Variants in DMXL1 observed in about 807,000 individuals in gnomAD.
DMXL1 encodes dmX-like protein 1.
Under a neutral mutation model 319.2 loss-of-function variants are expected in DMXL1, and 99 were observed. The ratio of observed to expected loss-of-function variants is 0.31; its 90% CI spans 0.26 to 0.37. DMXL1 has a LOEUF of 0.37. Ranked by LOEUF, DMXL1 falls within the 10% of genes least tolerant of loss-of-function variation. The probability of loss-of-function intolerance (pLI) is 1.00; values close to 1 mark genes in which losing one functional copy is unlikely to be tolerated. For synonymous variants in DMXL1, 1,385 were observed against 1,235.2 expected (o/e 1.12, Z -2.54); for missense variants, 3,745 against 3,595.6 (o/e 1.04, Z -1.06).
chr5:119,160,756 T>A (rs1772099502), intron 19 of DMXL1, among the ~76,000 whole-genome samples: 1 of 152,204 alleles, frequency 6.6e-6, no homozygotes, highest in African/African-American at 2.4e-5. Context: ...GACCCCTTTA[T>A]CATTATGTAA....
At chr5:119,102,189 A>G in intron 3 of DMXL1, 183 bp downstream of exon 3, 1 of 416,300 alleles carries the variant, frequency 2.4e-6, no homozygotes, top group Non-Finnish European at 4.3e-6. Context: ...AACTAAAATA[A>G]ATTGTGCCAA....
intron 34 of DMXL1, among the ~76,000 whole-genome samples, chr5:119,213,495 T>A (rs1190185691): frequency 1.3e-5 from 2 of 152,242 alleles, no homozygotes; most frequent in Non-Finnish European, 2.9e-5. Context: ...CTCATTAGCA[T>A]GAGCAAATAT....
intron 6 of DMXL1, 90 bp from the exon 7 acceptor site, chr5:119,116,068 C>A: frequency 8.2e-7 from 1 of 1,216,014 alleles, no homozygotes; most frequent in Non-Finnish European, 1.1e-6. Context: ...CAAGTTCTTG[C>A]CATTGGGGAG....
chr5:119,135,344 G>T (rs955422894), intron 13 of DMXL1, among the ~76,000 whole-genome samples: 1 of 152,164 alleles, frequency 6.6e-6, no homozygotes, highest in African/African-American at 2.4e-5. Flanking sequence ...CAGTGTTGCA[G>T]AAGAATTAGG....
At position 119,171,801 on chromosome 5, in the gene DMXL1, T is replaced by G. The variant is rs1045520749; in HGVS notation, c.6513T>G (p.Ser2171=). ...SQQETSEPLF[S]SPLSEQTSVP... is the part of the protein sequence containing the mutation. ...AGGAAACATCAGAACCACTATTTTCTAGCCCTCTGTCAGAGCAAACCTCAG... is the reference window on the plus strand; with the variant it reads ...AGGAAACATCAGAACCACTATTTTCGAGCCCTCTGTCAGAGCAAACCTCAG... Residue 2171 remains serine, a synonymous_variant, in exon 25 of 44, where the codon TCT becomes TCG. Transcript: ENST00000539542. 1 of 1,612,632 alleles carries G rather than the reference T, an allele frequency of 6.2e-7. No homozygotes were observed. The highest frequency in any genetic ancestry group is 8.5e-7 in the Non-Finnish European group (1 of 1,179,358).
chr5:119,114,071 A>G (rs1465194878), intron 5 of DMXL1, among the ~76,000 whole-genome samples: 2 of 152,190 alleles, frequency 1.3e-5, no homozygotes, highest in Non-Finnish European at 2.9e-5. Flanking sequence ...GTTAACCCAC[A>G]CATAATCTTT....
At chr5:119,112,485 A>G (rs1759860756) in intron 5 of DMXL1, among the ~76,000 whole-genome samples, 1 of 152,232 alleles carries the variant, frequency 6.6e-6, no homozygotes, top group African/African-American at 2.4e-5. Flanking sequence ...GAAACTGACT[A>G]GGTTTATATG....
intron 19 of DMXL1, among the ~76,000 whole-genome samples, chr5:119,158,860 T>C (rs752952706): frequency 6.6e-6 from 1 of 152,224 alleles, no homozygotes; most frequent in Non-Finnish European, 1.5e-5. Context: ...GGTGATCCTT[T>C]TATTGTGCTG....
At chr5:119,143,797 A>G (rs368659539) in intron 13 of DMXL1, 44 bp from the exon 14 acceptor site, 3 of 1,301,180 alleles carry the variant, frequency 2.3e-6, no homozygotes, top group African/African-American at 3.1e-5. Context: ...TCTTATTTGC[A>G]TATGAATTGT....
At chr5:119,099,132 A>G (rs905628265) in intron 2 of DMXL1, among the ~76,000 whole-genome samples, 1 of 151,684 alleles carries the variant, frequency 6.6e-6, no homozygotes, top group Non-Finnish European at 1.5e-5. Context: ...TTCTCGCTGT[A>G]CAACAAAAAT....
At chr5:119,128,752 C>CT (rs1469195362) in intron 9 of DMXL1, among the ~76,000 whole-genome samples, 1 of 151,986 alleles carries the variant, frequency 6.6e-6, no homozygotes, top group Non-Finnish European at 1.5e-5. Flanking sequence ...TAAAAATACT[C>CT]TAAAAAATAG....
intron 3 of DMXL1, among the ~76,000 whole-genome samples, chr5:119,103,462 T>C (rs1007283208): frequency 2.0e-5 from 3 of 152,202 alleles, no homozygotes; most frequent in Admixed American, 6.5e-5. Context: ...TCAAAGAATA[T>C]AGTGACTTGA....
At chr5:119,098,490 T>C (rs1756497915) in intron 2 of DMXL1, among the ~76,000 whole-genome samples, 1 of 152,032 alleles carries the variant, frequency 6.6e-6, no homozygotes, top group African/African-American at 2.4e-5. Context: ...TATCTCCTTG[T>C]AACTTCTATG....
At chr5:119,198,141 A>T (rs574601280) in intron 32 of DMXL1, among the ~76,000 whole-genome samples, 185 bp downstream of exon 32, 3 of 152,090 alleles carry the variant, frequency 2.0e-5, no homozygotes, top group African/African-American at 7.2e-5. Context: ...GGCGCCTGCC[A>T]CCACGCCTGG....
intron 1 of DMXL1, among the ~76,000 whole-genome samples, chr5:119,075,304 A>G (rs923225621): frequency 7.3e-6 from 1 of 137,542 alleles, no homozygotes; most frequent in Non-Finnish European, 1.5e-5. Flanking sequence ...CAGTGGTGTG[A>G]TCTCAGCTCA....
At chr5:119,213,090 T>G (rs938930509) in intron 34 of DMXL1, among the ~76,000 whole-genome samples, 9 of 152,230 alleles carry the variant, frequency 5.9e-5, no homozygotes, top group Non-Finnish European at 1.0e-4. Context: ...AAATCCAAAA[T>G]TAATATAAAA....
At chr5:119,128,175 C>T (rs1351847213) in intron 9 of DMXL1, 3 of 474,552 alleles carry the variant, frequency 6.3e-6, no homozygotes, top group Non-Finnish European at 1.2e-5. Context: ...TGCATAGTTC[C>T]ACCTGCACGG....
chr5:119,227,958 A>G (rs939515420), intron 38 of DMXL1, among the ~76,000 whole-genome samples: 8 of 152,216 alleles, frequency 5.3e-5, no homozygotes, highest in African/African-American at 1.9e-4. Context: ...ACTTTGCCAA[A>G]TTTCCATAAA....
intron 34 of DMXL1, among the ~76,000 whole-genome samples, chr5:119,215,098 T>C (rs1256443222): frequency 2.6e-5 from 4 of 152,232 alleles, no homozygotes; most frequent in Admixed American, 6.5e-5. Context: ...GAGCTGAGAC[T>C]TTCCTTAGAA....
Sources: allele counts gnomAD v4.1 joint callset (sites outside exome capture counted in the v4.1 genomes callset), GRCh38; gene constraint gnomAD v4.1.1; transcripts MANE v1.5; gene names NCBI Gene and HGNC (gene_info 2026-07-23, HGNC 2026-07-21).